NRXN1: variants seen among roughly 807,000 people sequenced by gnomAD.
NRXN1 encodes the protein neurexin 1.
NRXN1 carries 39 observed loss-of-function variants against 150.9 expected under a neutral mutation model. The ratio of observed to expected loss-of-function variants is 0.26; its 90% CI spans 0.20 to 0.34. The LOEUF is 0.34. Among genes scored for constraint, NRXN1 ranks in the 10% least tolerant of loss-of-function variants. The pLI is 1.00. For synonymous variants in NRXN1, 924 were observed against 757.0 expected, an observed-to-expected ratio of 1.22 and a Z score of -3.62; for missense variants, 1,815 against 1,949.9, an observed-to-expected ratio of 0.93 and a Z score of 1.30.
chr2:49,998,165 G>T (rs780639792), intron 21 of NRXN1, among the ~76,000 whole-genome samples: 1 of 152,106 alleles, frequency 6.6e-6, no homozygotes, highest in Non-Finnish European at 1.5e-5. Context: ...GTTAAGGGAG[G>T]AAAGAATTAA....
intron 2 of NRXN1, among the ~76,000 whole-genome samples, chr2:50,950,525 G>A (rs1230682610): frequency 6.6e-6 from 1 of 152,062 alleles, no homozygotes; most frequent in Non-Finnish European, 1.5e-5. Flanking sequence ...ATGTATCACG[G>A]TTTCTCACCT....
At position 49,993,936 on chromosome 2, in the gene NRXN1, C is replaced by T. The variant is rs72887850; in HGVS notation, c.4129-50145G>A. On this transcript the variant is annotated intron_variant, in intron 21 of 22. Coordinates refer to ENST00000401669, the MANE Select transcript of NRXN1 (RefSeq NM_001330078.2). ...TGGCTGTGGTGATGTTTTCTGCCTTCTGTCAACCTTTCAAAATCACATGCC... is the reference window on the plus strand; with the variant it reads ...TGGCTGTGGTGATGTTTTCTGCCTTTTGTCAACCTTTCAAAATCACATGCC... 5.1e-3 allele frequency among the ~76,000 whole-genome samples: 775 copies of T among 152,250 alleles called. 6 individuals carry two copies. Among genetic ancestry groups the T allele is most frequent in the African/African-American group, 0.018 (743 of 41,552 alleles).
At position 50,538,403 on chromosome 2, in the gene NRXN1, T is replaced by C. The variant is rs752412228; in HGVS notation, c.1993A>G (p.Thr665Ala). The C allele has an allele frequency of 4.3e-6, 7 of 1,613,986 alleles. No homozygotes were observed. The highest frequency in any genetic ancestry group is 1.6e-4 in the Middle Eastern group (1 of 6,062). ...GAGCAGGAAGGCTTCACTCCAGCAG[T>C]ACTTTGAACTTCAGCCATTTGCCGG... is the stretch of plus-strand genomic sequence containing the variant. Reference protein sequence around the residue: ...DIRQMAEVQSTAGVKPSCSKE... With the variant: ...DIRQMAEVQSAAGVKPSCSKE... Residue 665 changes from threonine (T) to alanine (A), a missense_variant, in exon 10 of 23, where the codon ACT becomes GCT. Transcript: ENST00000401669.
intron 5 of NRXN1, among the ~76,000 whole-genome samples, chr2:50,897,426 TAACC>T (rs1488326553): frequency 6.6e-6 from 1 of 152,180 alleles, no homozygotes; most frequent in Non-Finnish European, 1.5e-5. Context: ...ATGAATCAAT[TAACC>T]AACAAACCTC....
At chr2:50,232,573 G>C (rs2065047894) in intron 18 of NRXN1, among the ~76,000 whole-genome samples, 1 of 151,626 alleles carries the variant, frequency 6.6e-6, no homozygotes, top group Non-Finnish European at 1.5e-5. Flanking sequence ...TTTTAGTAGA[G>C]ATGGGGTTTC....
chr2:50,928,020 A>T (rs756147355), intron 2 of NRXN1, among the ~76,000 whole-genome samples: 4 of 151,946 alleles, frequency 2.6e-5, no homozygotes, highest in Non-Finnish European at 5.9e-5. Context: ...TCCTTTCATG[A>T]CCATAGATAC....
At chr2:50,904,012 T>C (rs866295952) in intron 5 of NRXN1, among the ~76,000 whole-genome samples, 4 of 152,120 alleles carry the variant, frequency 2.6e-5, no homozygotes, top group South Asian at 4.1e-4. Flanking sequence ...GAAAAGACTA[T>C]GTCTCTGCTG....
At chr2:49,999,693 T>A (rs1237548114) in intron 21 of NRXN1, among the ~76,000 whole-genome samples, 2 of 152,164 alleles carry the variant, frequency 1.3e-5, no homozygotes, top group African/African-American at 4.8e-5. Flanking sequence ...GTCGTATACT[T>A]ATTTCTTCAA....
chr2:50,166,279 A>ATGTGTGTGTGTGTGTGTG (rs70946894), intron 18 of NRXN1, among the ~76,000 whole-genome samples: 92 of 131,450 alleles, frequency 7.0e-4, no homozygotes, highest in South Asian at 1.0e-3. Flanking sequence ...TACTCAACGT[A>ATGTGTGTGTGTGTGTGTG]TGTGTGTGTG....
At chr2:50,298,545 A>G in intron 17 of NRXN1, among the ~76,000 whole-genome samples, 1 of 151,790 alleles carries the variant, frequency 6.6e-6, no homozygotes, top group East Asian at 1.9e-4. Flanking sequence ...TTTTTATAGA[A>G]CAAGCAAAAT....
chr2:50,127,913 A>G (rs138786834), intron 18 of NRXN1, among the ~76,000 whole-genome samples: 74 of 152,194 alleles, frequency 4.9e-4, no homozygotes, highest in African/African-American at 1.7e-3. Flanking sequence ...GCTTTTAAAC[A>G]CTCCTCAAGG....
chr2:50,933,007 A>G (rs1368784578), intron 2 of NRXN1, among the ~76,000 whole-genome samples: 4 of 152,056 alleles, frequency 2.6e-5, no homozygotes, highest in Non-Finnish European at 5.9e-5. Flanking sequence ...TCTTCTCTAG[A>G]TTGTTACAAT....
intron 19 of NRXN1, among the ~76,000 whole-genome samples, chr2:50,083,671 C>A (rs751512292): frequency 1.2e-4 from 18 of 152,134 alleles, no homozygotes; most frequent in Non-Finnish European, 2.4e-4. Flanking sequence ...TCCTGCTGAT[C>A]GGTCCATTTT....
chr2:50,059,706 G>A (rs185518441), intron 19 of NRXN1, among the ~76,000 whole-genome samples: 1 of 152,266 alleles, frequency 6.6e-6, no homozygotes, highest in African/African-American at 2.4e-5. Context: ...GCAGTCTCAG[G>A]ACTCAGGTGT....
chr2:50,415,123 C>G (rs1338540365), intron 17 of NRXN1, among the ~76,000 whole-genome samples: 1 of 151,956 alleles, frequency 6.6e-6, no homozygotes, highest in African/African-American at 2.4e-5. Context: ...TTCATAGAAG[C>G]AGGGAGTAGG....
intron 5 of NRXN1, among the ~76,000 whole-genome samples, chr2:50,811,594 G>C (rs1433036957): frequency 6.6e-6 from 1 of 152,134 alleles, no homozygotes; most frequent in Non-Finnish European, 1.5e-5. Context: ...CAATGTTCTA[G>C]AGTTACTTCT....
At chr2:50,612,616 C>A (rs1678373567) in intron 8 of NRXN1, among the ~76,000 whole-genome samples, 1 of 152,166 alleles carries the variant, frequency 6.6e-6, no homozygotes, top group South Asian at 2.1e-4. Context: ...CTCCCTTACC[C>A]CTTCAGCAAA....
At chr2:50,564,941 C>T (rs1038149107) in intron 8 of NRXN1, among the ~76,000 whole-genome samples, 13 of 152,180 alleles carry the variant, frequency 8.5e-5, no homozygotes, top group African/African-American at 2.9e-4. Context: ...TCATGGCACA[C>T]GTTAGAAAAT....
intron 22 of NRXN1, among the ~76,000 whole-genome samples, chr2:49,931,644 T>C (rs538769951): frequency 6.6e-6 from 1 of 151,982 alleles, no homozygotes; most frequent in Non-Finnish European, 1.5e-5. Flanking sequence ...AAGAAAGCCA[T>C]ATAGGCAATA....
Sources: allele counts gnomAD v4.1 joint callset (sites outside exome capture counted in the v4.1 genomes callset), GRCh38; gene constraint gnomAD v4.1.1; transcripts MANE v1.5; gene names NCBI Gene and HGNC (gene_info 2026-07-23, HGNC 2026-07-21).